AFG1L: variants seen among roughly 807,000 people sequenced by gnomAD.
AFG1L encodes AFG1 like ATPase.
AFG1L carries 53 observed loss-of-function variants against 62.2 expected under a neutral mutation model. That is an observed-to-expected ratio of 0.85 (90% CI 0.68 to 1.07). The LOEUF is 1.07. AFG1L is among the 50% of genes least tolerant of loss of function. The probability of loss-of-function intolerance (pLI) is 0.00; values close to 1 mark genes in which losing one functional copy is unlikely to be tolerated. For missense variants in AFG1L, 555 were observed against 590.5 expected (o/e 0.94, Z 0.62); for synonymous variants, 228 against 210.3 (o/e 1.08, Z -0.73).
At chr6:108,471,851 TACTC>T (rs1415805065) in intron 8 of AFG1L, among the ~76,000 whole-genome samples, 2 of 152,340 alleles carry the variant, frequency 1.3e-5, no homozygotes, top group East Asian at 3.9e-4. Flanking sequence ...GAAACTTGCT[TACTC>T]TTCTCTTTTC....
At chr6:108,458,833 AATTTTATATTGTCG>A (rs1772350163) in intron 8 of AFG1L, among the ~76,000 whole-genome samples, 1 of 151,690 alleles carries the variant, frequency 6.6e-6, no homozygotes, top group Non-Finnish European at 1.5e-5. Flanking sequence ...AGATACTGTG[AATTTTATATTGTCG>A]GGTACTGGAG....
At chr6:108,446,051 TACACACACACACACACACACACACACAC>T (rs67384163) in intron 7 of AFG1L, among the ~76,000 whole-genome samples, 9 of 141,894 alleles carry the variant, frequency 6.3e-5, no homozygotes, top group East Asian at 2.1e-4. Context: ...TATGTAGAGA[TACACACACACACACACACACACACACAC>T]ACACACACAC....
intron 1 of AFG1L, among the ~76,000 whole-genome samples, chr6:108,314,963 T>C (rs1196088144): frequency 6.6e-6 from 1 of 151,994 alleles, no homozygotes; most frequent in Non-Finnish European, 1.5e-5. Flanking sequence ...TGCAGCCACA[T>C]GAGTAGATGG....
chr6:108,495,636 C>A (rs1340030860), intron 10 of AFG1L, among the ~76,000 whole-genome samples: 2 of 152,212 alleles, frequency 1.3e-5, no homozygotes, highest in Non-Finnish European at 2.9e-5. Flanking sequence ...AGAAAAAAGA[C>A]AGCAAGCAAG....
At chr6:108,414,884 C>A (rs1185773554) in intron 7 of AFG1L, among the ~76,000 whole-genome samples, 1 of 152,198 alleles carries the variant, frequency 6.6e-6, no homozygotes, top group Non-Finnish European at 1.5e-5. Context: ...CCTCTCTCAC[C>A]ACTTCTATTC....
At position 108,324,057 on chromosome 6, in the gene AFG1L, T is replaced by G; in HGVS notation, c.363+9T>G. 3.8e-6 allele frequency: 6 copies of G among 1,576,748 alleles called. No homozygotes were observed. Among genetic ancestry groups the G allele is most frequent in the Non-Finnish European group, 5.2e-6 (6 of 1,149,466 alleles). Reference sequence around the variant, plus strand: ...AAGGCCTTTTTTCAAAGGTGAGGCTTGTGTGATATGAAAGATTAAACAGTT... The same window carrying G: ...AAGGCCTTTTTTCAAAGGTGAGGCTGGTGTGATATGAAAGATTAAACAGTT... On this transcript the variant is annotated intron_variant, in intron 2 of 12. Transcript: ENST00000368977.
chr6:108,297,153 C>T (rs1411693874), intron 1 of AFG1L, among the ~76,000 whole-genome samples: 3 of 152,100 alleles, frequency 2.0e-5, no homozygotes, highest in Admixed American at 1.3e-4. Context: ...GTCTCCCAGA[C>T]TGGAGTGCAA....
intron 2 of AFG1L, among the ~76,000 whole-genome samples, chr6:108,325,527 C>G (rs1778006477): frequency 1.3e-5 from 2 of 151,710 alleles, no homozygotes; most frequent in Non-Finnish European, 2.9e-5. Context: ...GCTCTATTGC[C>G]CAGGCTAGAG....
chr6:108,481,431 T>C (rs1187033933), intron 10 of AFG1L, among the ~76,000 whole-genome samples: 1 of 152,180 alleles, frequency 6.6e-6, no homozygotes, highest in African/African-American at 2.4e-5. Context: ...TTAGGGGTCC[T>C]GGGAATCTAA....
At chr6:108,304,591 A>G (rs1423235952) in intron 1 of AFG1L, among the ~76,000 whole-genome samples, 4 of 152,276 alleles carry the variant, frequency 2.6e-5, no homozygotes. Context: ...TCATTACAGT[A>G]ATGAAGTTTA....
intron 6 of AFG1L, among the ~76,000 whole-genome samples, chr6:108,371,000 A>C (rs1213683868): frequency 1.3e-5 from 2 of 152,072 alleles, no homozygotes; most frequent in Admixed American, 1.3e-4. Flanking sequence ...AGGGGAAGTC[A>C]TACTTGAGGC....
chr6:108,473,563 T>G (rs1772987151), intron 8 of AFG1L, among the ~76,000 whole-genome samples: 2 of 152,194 alleles, frequency 1.3e-5, no homozygotes, highest in South Asian at 4.1e-4. Flanking sequence ...TTTAAAATTT[T>G]TTTTATTTTT....
intron 3 of AFG1L, among the ~76,000 whole-genome samples, chr6:108,349,006 T>G (rs990794059): frequency 1.3e-5 from 2 of 152,182 alleles, no homozygotes; most frequent in Non-Finnish European, 2.9e-5. Flanking sequence ...AAGTTATTCA[T>G]CTGAGTGTTT....
intron 7 of AFG1L, among the ~76,000 whole-genome samples, chr6:108,441,188 G>T (rs1771530577): frequency 6.6e-6 from 1 of 152,164 alleles, no homozygotes; most frequent in Admixed American, 6.5e-5. Flanking sequence ...TGGAGTAGAA[G>T]CTATATAAAG....
intron 6 of AFG1L, chr6:108,392,010 T>C (rs921221663): frequency 6.6e-6 from 1 of 152,172 alleles, no homozygotes; most frequent in Non-Finnish European, 1.5e-5. Flanking sequence ...ATTGTATTAA[T>C]GATATGTCAT....
Position 108,295,117 on chromosome 6 carries a change from C to A in AFG1L, c.38C>A (p.Pro13His), listed in dbSNP as rs374091048. 4 of 1,611,460 alleles carry A rather than the reference C, an allele frequency of 2.5e-6. No homozygotes were observed. In the African/African-American group the frequency reaches 5.3e-5, roughly 21 times the overall value. The change falls in exon 1 of 13, where the codon CCC becomes CAC. Residue 13 changes from proline to histidine, a missense_variant. Pro to His is a moderately conservative substitution (Grantham distance 77). Coordinates refer to ENST00000368977, the MANE Select transcript of AFG1L (RefSeq NM_145315.5). ...ASWSLLVTLR[P>H]LAQSPLRGRC... ...TGGTCGCTCTTGGTTACCCTGCGCC[C>A]CTTAGCACAGAGCCCGCTGAGAGGG...
intron 12 of AFG1L, chr6:108,520,708 C>G (rs765782502): frequency 6.6e-6 from 1 of 152,160 alleles, no homozygotes; most frequent in African/African-American, 2.4e-5. Context: ...ATGACTTAAA[C>G]CTATGTGTAT....
intron 9 of AFG1L, 21 bp downstream of exon 9, chr6:108,476,956 T>G: frequency 6.3e-7 from 1 of 1,597,440 alleles, no homozygotes; most frequent in Non-Finnish European, 8.6e-7. Flanking sequence ...TAATTTCTCT[T>G]GAAAGAGAAT....
At chr6:108,490,731 A>G (rs1337579711) in intron 10 of AFG1L, among the ~76,000 whole-genome samples, 1 of 152,236 alleles carries the variant, frequency 6.6e-6, no homozygotes, top group Non-Finnish European at 1.5e-5. Context: ...TATTAAAGCC[A>G]ACGATGCTTT....
Sources: gnomAD v4.1 joint callset for allele counts (sites outside exome capture counted in the v4.1 genomes callset) on GRCh38, gnomAD v4.1.1 for gene constraint, MANE v1.5 for transcripts, NCBI Gene and HGNC (gene_info 2026-07-23, HGNC 2026-07-21) for gene names.